NKAIN3: variants seen among roughly 807,000 people sequenced by gnomAD.
The protein encoded by NKAIN3 is sodium/potassium transporting ATPase interacting 3.
NKAIN3 carries 25 observed loss-of-function variants against 30.2 expected under a neutral mutation model. The observed-to-expected ratio is 0.83, with a 90% CI of 0.60 to 1.16. The LOEUF is 1.16. Among genes scored for constraint, NKAIN3 ranks in the 50% most tolerant of loss-of-function variants. NKAIN3 has a pLI of 0.00. For synonymous variants in NKAIN3, 91 were observed against 89.6 expected (o/e 1.02, Z -0.09); for missense variants, 225 against 254.1 (o/e 0.89, Z 0.78).
At chr8:62,286,357 C>T (rs1231962183) in intron 1 of NKAIN3, among the ~76,000 whole-genome samples, 2 of 152,022 alleles carry the variant, frequency 1.3e-5, no homozygotes, top group African/African-American at 2.4e-5. Context: ...ATCCTTGACT[C>T]TTTTGTATTT....
chr8:62,976,177 A>G lies in NKAIN3; in HGVS notation c.*10770A>G, dbSNP rs1331507746. Among the ~76,000 whole-genome samples the G allele has an allele frequency of 6.6e-6, 1 of 151,438 alleles. No individual in the cohort carries two copies. The highest frequency in any genetic ancestry group is 1.5e-5 in the Non-Finnish European group (1 of 67,940). ...TATATTCTGTTGATTTGGGGTGGAGAGTTCTGTAGATATCTATTAGGTCTG... is the reference window on the plus strand; with the variant it reads ...TATATTCTGTTGATTTGGGGTGGAGGGTTCTGTAGATATCTATTAGGTCTG... On this transcript the variant is annotated 3_prime_UTR_variant, in exon 7 of 7. Coordinates refer to ENST00000623646, the MANE Select transcript of NKAIN3 (RefSeq NM_001304533.3).
At chr8:62,540,746 T>A (rs1029340785) in intron 1 of NKAIN3, among the ~76,000 whole-genome samples, 1 of 152,076 alleles carries the variant, frequency 6.6e-6, no homozygotes, top group Non-Finnish European at 1.5e-5. Context: ...TGTCTTTTTT[T>A]AATAAATAAT....
rs922017153 is a variant in NKAIN3, at chr8:62,978,574, C to T, written c.*13167C>T. 2 of 152,304 alleles carry T rather than the reference C, an allele frequency of 1.3e-5. No homozygotes were observed. The highest frequency in any genetic ancestry group is 2.9e-5 in the Non-Finnish European group (2 of 68,082). The allele number at this position is 152,304 out of a possible 1,614,324, so 9.4% of individuals were successfully genotyped here. On this transcript the variant is annotated 3_prime_UTR_variant, in exon 7 of 7. Transcript: ENST00000623646. Reference sequence around the variant, plus strand: ...GGCAGATACCTCTCCCCCAACCAAGCTTGAGCATCCCAGGTCTACTTCAGA... The same window carrying T: ...GGCAGATACCTCTCCCCCAACCAAGTTTGAGCATCCCAGGTCTACTTCAGA...
intron 5 of NKAIN3, among the ~76,000 whole-genome samples, chr8:62,949,673 C>G (rs574493651): frequency 5.3e-5 from 8 of 152,016 alleles, no homozygotes; most frequent in African/African-American, 1.9e-4. Context: ...GAGCAGCCCA[C>G]TGTGTGGCTG....
At chr8:62,848,274 C>G (rs182094503) in intron 4 of NKAIN3, among the ~76,000 whole-genome samples, 4 of 152,076 alleles carry the variant, frequency 2.6e-5, no homozygotes, top group African/African-American at 9.7e-5. Context: ...GCAGTATGGC[C>G]GTTTTCACGA....
intron 5 of NKAIN3, among the ~76,000 whole-genome samples, chr8:62,929,298 G>T (rs1401273840): frequency 1.3e-5 from 2 of 152,196 alleles, no homozygotes; most frequent in African/African-American, 4.8e-5. Context: ...TATTGAGCAG[G>T]AGGGCTCTGT....
chr8:62,395,402 C>T (rs1277507114), intron 1 of NKAIN3, among the ~76,000 whole-genome samples: 1 of 152,184 alleles, frequency 6.6e-6, no homozygotes, highest in Non-Finnish European at 1.5e-5. Context: ...CTCTTCACTT[C>T]CCAGGCGGTG....
intron 3 of NKAIN3, among the ~76,000 whole-genome samples, chr8:62,710,494 C>A (rs564625959): frequency 6.6e-6 from 1 of 152,238 alleles, no homozygotes; most frequent in African/African-American, 2.4e-5. Context: ...TCTCTCTTAA[C>A]CACTATTGCT....
At chr8:62,793,906 G>A (rs1223348643) in intron 4 of NKAIN3, among the ~76,000 whole-genome samples, 1 of 152,064 alleles carries the variant, frequency 6.6e-6, no homozygotes, top group Non-Finnish European at 1.5e-5. Context: ...AAGGTTGGGG[G>A]GAAATCACTA....
At chr8:62,836,543 C>A (rs1191913515) in intron 4 of NKAIN3, among the ~76,000 whole-genome samples, 1 of 152,054 alleles carries the variant, frequency 6.6e-6, no homozygotes, top group Non-Finnish European at 1.5e-5. Context: ...TCAGTCTGAC[C>A]TTTTCTGGTT....
At position 62,300,086 on chromosome 8, in the gene NKAIN3, C is replaced by A. The variant is rs192031201; in HGVS notation, c.54+50959C>A. Among the ~76,000 whole-genome samples the A allele has an allele frequency of 4.6e-5, 7 of 151,958 alleles. 1 individual carries two copies. Among genetic ancestry groups the A allele is most frequent in the Admixed American group, 4.6e-4 (7 of 15,216 alleles). On this transcript the variant is annotated intron_variant, in intron 1 of 6. Transcript: ENST00000623646. ...ACGTCCTATAGTAGCTGTAACAGAT[C>A]GATACTGTTAACTGGATGCAACATT...
chr8:62,327,260 G>A (rs1028377096), intron 1 of NKAIN3, among the ~76,000 whole-genome samples: 1 of 151,882 alleles, frequency 6.6e-6, no homozygotes, highest in Non-Finnish European at 1.5e-5. Context: ...GTCCCATTCC[G>A]TGGATTGCCT....
At chr8:62,943,087 A>T (rs1326913606) in intron 5 of NKAIN3, among the ~76,000 whole-genome samples, 4 of 152,202 alleles carry the variant, frequency 2.6e-5, no homozygotes, top group Admixed American at 2.6e-4. Context: ...TAATTAGCAG[A>T]GTAAGCAGAC....
chr8:62,297,670 A>G (rs1813881689), intron 1 of NKAIN3, among the ~76,000 whole-genome samples: 1 of 151,870 alleles, frequency 6.6e-6, no homozygotes, highest in Non-Finnish European at 1.5e-5. Flanking sequence ...AAGTCAGGAA[A>G]CAACAGGTGC....
chr8:62,945,865 T>C (rs1310597414), intron 5 of NKAIN3, among the ~76,000 whole-genome samples: 1 of 152,286 alleles, frequency 6.6e-6, no homozygotes, highest in East Asian at 1.9e-4. Context: ...TCAAGGACAA[T>C]TGAACTATAT....
chr8:62,321,747 G>T (rs931427094), intron 1 of NKAIN3, among the ~76,000 whole-genome samples: 4 of 152,176 alleles, frequency 2.6e-5, no homozygotes, highest in African/African-American at 7.2e-5. Context: ...CTACTGGGGG[G>T]TGCCTCCCAG....
At chr8:62,765,246 C>CAAAAAAAAAAAAAAAA (rs34477671) in intron 4 of NKAIN3, among the ~76,000 whole-genome samples, 2 of 42,492 alleles carry the variant, frequency 4.7e-5, no homozygotes, top group African/African-American at 1.6e-4. Flanking sequence ...GACTCCATCT[C>CAAAAAAAAAAAAAAAA]AAAAAAAAAA....
chr8:62,483,829 G>A (rs549626119), intron 1 of NKAIN3: 7 of 204,438 alleles, frequency 3.4e-5, no homozygotes, highest in Non-Finnish European at 6.8e-5. Flanking sequence ...CTGGAACCTA[G>A]GATCCAGCTT....
intron 3 of NKAIN3, among the ~76,000 whole-genome samples, chr8:62,666,511 A>G (rs914972024): frequency 6.6e-6 from 1 of 152,158 alleles, no homozygotes; most frequent in Admixed American, 6.5e-5. Flanking sequence ...AAGATTATGT[A>G]TGCATATTTT....
Sources: allele counts gnomAD v4.1 joint callset (sites outside exome capture counted in the v4.1 genomes callset), GRCh38; gene constraint gnomAD v4.1.1; transcripts MANE v1.5; gene names NCBI Gene and HGNC (gene_info 2026-07-23, HGNC 2026-07-21).